Variants in GALNT17 observed in about 807,000 individuals in gnomAD.
The protein encoded by GALNT17 is polypeptide N-acetylgalactosaminyltransferase 17.
In GALNT17, 29 loss-of-function variants were observed where a neutral mutation model predicts 63.7. The observed-to-expected ratio is 0.46, with a 90% CI of 0.34 to 0.62. The LOEUF is 0.62. Ranked by LOEUF, GALNT17 falls within the 20% of genes least tolerant of loss-of-function variation. The pLI, the probability that GALNT17 is intolerant of heterozygous loss-of-function variation, is 0.01. For missense variants in GALNT17, 603 were observed against 799.6 expected (o/e 0.75, Z 2.97); for synonymous variants, 305 against 318.3 (o/e 0.96, Z 0.45).
intron 5 of GALNT17, among the ~76,000 whole-genome samples, chr7:71,427,546 G>C (rs1433799270): frequency 1.3e-5 from 2 of 152,008 alleles, no homozygotes; most frequent in South Asian, 2.1e-4. Flanking sequence ...ACTCCCTTCA[G>C]CTGGCCTCTC....
chr7:71,562,050 G>A (rs1789265287), intron 5 of GALNT17, among the ~76,000 whole-genome samples: 1 of 151,974 alleles, frequency 6.6e-6, no homozygotes, highest in South Asian at 2.1e-4. Context: ...CCAACTCCCA[G>A]GCTCAAGTGA....
chr7:71,535,422 T>A (rs1257762003), intron 5 of GALNT17, among the ~76,000 whole-genome samples: 2 of 152,192 alleles, frequency 1.3e-5, no homozygotes, highest in African/African-American at 4.8e-5. Context: ...CTTTGTTCCA[T>A]GATGTGACCC....
intron 1 of GALNT17, among the ~76,000 whole-genome samples, chr7:71,217,140 G>GGTTTTTTTT (rs1554340002): frequency 1.1e-5 from 1 of 95,216 alleles, no homozygotes; most frequent in African/African-American, 4.3e-5. Flanking sequence ...ATTTTTTCGT[G>GGTTTTTTTT]TTTTGTTTTT....
chr7:71,300,532 G>T, intron 1 of GALNT17: 1 of 407,098 alleles, frequency 2.5e-6, no homozygotes, highest in Non-Finnish European at 4.9e-6. Flanking sequence ...TAATAAGTGA[G>T]AAACAGCTGT....
intron 2 of GALNT17, among the ~76,000 whole-genome samples, chr7:71,373,157 A>G (rs929342): frequency 0.73 from 110,379 of 152,116 alleles, 40,660 homozygotes; most frequent in African/African-American, 0.83. Flanking sequence ...GGCTGGATTC[A>G]GTCAGGCTCT....
intron 8 of GALNT17, among the ~76,000 whole-genome samples, chr7:71,674,370 G>A (rs1384308901): frequency 3.3e-5 from 5 of 151,106 alleles, no homozygotes; most frequent in Non-Finnish European, 5.9e-5. Context: ...AAAAGAGATA[G>A]GGTCTTGCTC....
chr7:71,287,445 G>A (rs561410932), intron 1 of GALNT17, among the ~76,000 whole-genome samples: 2 of 152,172 alleles, frequency 1.3e-5, no homozygotes, highest in East Asian at 3.9e-4. Flanking sequence ...GATAAGAGGA[G>A]GGTTCCCACC....
chr7:71,205,419 T>A (rs1030261258), intron 1 of GALNT17, among the ~76,000 whole-genome samples: 1 of 152,132 alleles, frequency 6.6e-6, no homozygotes, highest in Non-Finnish European at 1.5e-5. Context: ...CCCAAAGTGC[T>A]GGGATTACAG....
At chr7:71,544,297 ATTTTTTT>A (rs754061155) in intron 5 of GALNT17, among the ~76,000 whole-genome samples, 1 of 116,922 alleles carries the variant, frequency 8.6e-6, no homozygotes, top group Admixed American at 9.5e-5. Flanking sequence ...ACGCCCGGCT[ATTTTTTT>A]TTTTTTTTTT....
chr7:71,570,448 C>T (rs1281543868), intron 5 of GALNT17, among the ~76,000 whole-genome samples: 1 of 152,048 alleles, frequency 6.6e-6, no homozygotes, highest in Non-Finnish European at 1.5e-5. Context: ...CTCCAGTTTC[C>T]CATTGCACTC....
intron 1 of GALNT17, among the ~76,000 whole-genome samples, chr7:71,322,490 G>A (rs544158275): frequency 3.3e-5 from 5 of 152,274 alleles, no homozygotes; most frequent in South Asian, 2.1e-4. Flanking sequence ...GTTAATGGGC[G>A]AAAATGTACC....
intron 4 of GALNT17, among the ~76,000 whole-genome samples, chr7:71,416,288 A>G (rs979018234): frequency 1.3e-5 from 2 of 152,158 alleles, no homozygotes; most frequent in South Asian, 2.1e-4. Context: ...CATCATCGTC[A>G]TCATCATCGT....
At chr7:71,640,418 G>C (rs1790587421) in intron 6 of GALNT17, among the ~76,000 whole-genome samples, 1 of 152,082 alleles carries the variant, frequency 6.6e-6, no homozygotes, top group South Asian at 2.1e-4. Flanking sequence ...TCATATCTGA[G>C]TCTGTAAACT....
chr7:71,144,667 C>T (rs181460065), intron 1 of GALNT17, among the ~76,000 whole-genome samples: 1 of 151,922 alleles, frequency 6.6e-6, no homozygotes, highest in Admixed American at 6.6e-5. Flanking sequence ...TTAATGATTG[C>T]AGGGCACAGA....
chr7:71,523,744 A>AAAATAAAAAAAT, intron 5 of GALNT17, among the ~76,000 whole-genome samples: 1 of 137,612 alleles, frequency 7.3e-6, no homozygotes, highest in African/African-American at 2.7e-5. Flanking sequence ...CCTGTCTCAA[A>AAAATAAAAAAAT]AAATAAATAA....
intron 5 of GALNT17, among the ~76,000 whole-genome samples, chr7:71,497,027 A>G (rs898142645): frequency 6.6e-6 from 1 of 152,286 alleles, no homozygotes; most frequent in Non-Finnish European, 1.5e-5. Flanking sequence ...GCAGTGAGCT[A>G]TGATCAAGCC....
At chr7:71,453,267 A>C (rs1200708666) in intron 5 of GALNT17, among the ~76,000 whole-genome samples, 1 of 152,152 alleles carries the variant, frequency 6.6e-6, no homozygotes, top group Non-Finnish European at 1.5e-5. Flanking sequence ...AACCCAGTTC[A>C]CCAGCAAACT....
chr7:71,477,488 C>T (rs1319986709), intron 5 of GALNT17, among the ~76,000 whole-genome samples: 2 of 152,142 alleles, frequency 1.3e-5, no homozygotes, highest in African/African-American at 4.8e-5. Context: ...GCAAACTGCA[C>T]AGAGGACAAT....
intron 1 of GALNT17, among the ~76,000 whole-genome samples, chr7:71,249,017 G>A (rs1790150191): frequency 6.6e-6 from 1 of 152,170 alleles, no homozygotes; most frequent in Admixed American, 6.5e-5. Context: ...GAGAAATTCA[G>A]TCAACAGTAG....
Sources: gnomAD v4.1 joint callset for allele counts (sites outside exome capture counted in the v4.1 genomes callset) on GRCh38, gnomAD v4.1.1 for gene constraint, MANE v1.5 for transcripts, NCBI Gene and HGNC (gene_info 2026-07-23, HGNC 2026-07-21) for gene names.